Variants in CTNNA2 observed in about 807,000 individuals in gnomAD.
The protein encoded by CTNNA2 is catenin alpha 2, also known as catenin alpha-2.
In CTNNA2, 42 loss-of-function variants were observed where a neutral mutation model predicts 101.0. The observed-to-expected ratio is 0.42, with a 90% CI of 0.32 to 0.54. CTNNA2 has a LOEUF of 0.54. Ranked by LOEUF, CTNNA2 falls within the 20% of genes least tolerant of loss-of-function variation. The pLI, the probability that CTNNA2 is intolerant of heterozygous loss-of-function variation, is 0.14. For synonymous variants in CTNNA2, 450 were observed against 456.4 expected (o/e 0.99, Z 0.18); for missense variants, 871 against 1,223.1 (o/e 0.71, Z 4.29).
chr2:79,555,764 A>G (rs1193013245), intron 1 of CTNNA2, among the ~76,000 whole-genome samples: 3 of 152,088 alleles, frequency 2.0e-5, no homozygotes, highest in East Asian at 1.9e-4. Flanking sequence ...CATATTGCAA[A>G]CACATCTCAG....
chr2:80,487,541 A>G lies in CTNNA2; in HGVS notation c.1291-57441A>G, dbSNP rs1264996611. ...AAGGGGAAAAGCCCCTTATAAAACC[A>G]TCAGTCCTCATGAGAACTCATTTAC... On this transcript the variant is annotated intron_variant, in intron 9 of 18. Coordinates refer to ENST00000402739, the MANE Select transcript of CTNNA2 (RefSeq NM_001282597.3). Among the ~76,000 whole-genome samples the G allele has an allele frequency of 2.6e-5, 4 of 152,224 alleles. No individual in the cohort carries two copies. The East Asian group carries it at 7.7e-4, about 29-fold the overall frequency.
chr2:79,381,247 T>C (rs1484695101), intron 4 of CTNNA2, among the ~76,000 whole-genome samples: 1 of 152,112 alleles, frequency 6.6e-6, no homozygotes, highest in Non-Finnish European at 1.5e-5. Flanking sequence ...TAATTTACAG[T>C]TGAAGAAACT....
chr2:80,010,270 C>A (rs576548310), intron 7 of CTNNA2, among the ~76,000 whole-genome samples: 1 of 152,262 alleles, frequency 6.6e-6, no homozygotes, highest in East Asian at 1.9e-4. Flanking sequence ...TCAAGATTAC[C>A]TTTCAGCAGT....
chr2:80,314,120 C>T (rs1297854296), intron 7 of CTNNA2, among the ~76,000 whole-genome samples: 2 of 152,058 alleles, frequency 1.3e-5, no homozygotes, highest in Non-Finnish European at 1.5e-5. Context: ...TGCTTGGTGG[C>T]TATAGTGGTG....
chr2:79,917,498 C>A (rs914914106), intron 7 of CTNNA2, among the ~76,000 whole-genome samples: 1 of 152,190 alleles, frequency 6.6e-6, no homozygotes, highest in Non-Finnish European at 1.5e-5. Flanking sequence ...ATAGTTGGCA[C>A]GGAAGTCTTT....
intron 7 of CTNNA2, among the ~76,000 whole-genome samples, chr2:80,190,368 C>T (rs1249966239): frequency 1.3e-5 from 2 of 152,072 alleles, no homozygotes; most frequent in East Asian, 1.9e-4. Flanking sequence ...GGCAGGAAAA[C>T]TTCAACCACC....
chr2:79,455,598 C>T (rs1670813251), intron 4 of CTNNA2, among the ~76,000 whole-genome samples: 1 of 152,182 alleles, frequency 6.6e-6, no homozygotes, highest in African/African-American at 2.4e-5. Flanking sequence ...CGTACCTTTG[C>T]AAACATATTT....
intron 2 of CTNNA2, among the ~76,000 whole-genome samples, chr2:79,674,560 T>G (rs890168633): frequency 2.6e-5 from 4 of 152,162 alleles, no homozygotes; most frequent in Non-Finnish European, 4.4e-5. Flanking sequence ...TATTAGATAA[T>G]AGGGAACTTA....
intron 3 of CTNNA2, among the ~76,000 whole-genome samples, chr2:79,818,479 A>T (rs1677711233): frequency 6.8e-6 from 1 of 148,114 alleles, no homozygotes; most frequent in Non-Finnish European, 1.5e-5. Context: ...TGCCCGGCTT[A>T]TTTTTTTTTG....
intron 4 of CTNNA2, among the ~76,000 whole-genome samples, chr2:79,392,481 T>G (rs1307704175): frequency 6.6e-6 from 1 of 152,232 alleles, no homozygotes; most frequent in African/African-American, 2.4e-5. Context: ...AGTTTACCTG[T>G]GTGATCTATC....
chr2:79,991,215 C>CA (rs796576301), intron 7 of CTNNA2, among the ~76,000 whole-genome samples: 4 of 151,960 alleles, frequency 2.6e-5, no homozygotes, highest in Non-Finnish European at 4.4e-5. Context: ...CTGATCTTCT[C>CA]AAAAAACCAG....
intron 1 of CTNNA2, among the ~76,000 whole-genome samples, chr2:79,637,302 A>G (rs756522284): frequency 5.3e-5 from 8 of 152,218 alleles, no homozygotes; most frequent in Non-Finnish European, 1.2e-4. Context: ...TGATGGAGTG[A>G]GGCCTCAGTC....
At chr2:80,019,727 A>G (rs1018390244) in intron 7 of CTNNA2, among the ~76,000 whole-genome samples, 43 of 152,218 alleles carry the variant, frequency 2.8e-4, no homozygotes, top group African/African-American at 1.0e-3. Flanking sequence ...AAATTCCTAA[A>G]GTAGCATCCT....
intron 1 of CTNNA2, among the ~76,000 whole-genome samples, chr2:79,634,185 C>G (rs1425505679): frequency 6.6e-6 from 1 of 152,154 alleles, no homozygotes; most frequent in Non-Finnish European, 1.5e-5. Context: ...GTGCTGTGTT[C>G]CCTGAATTAC....
At chr2:80,003,460 T>C (rs914758787) in intron 7 of CTNNA2, among the ~76,000 whole-genome samples, 2 of 152,144 alleles carry the variant, frequency 1.3e-5, no homozygotes, top group Non-Finnish European at 2.9e-5. Flanking sequence ...CAGCTTCCCC[T>C]GGCCCATAGG....
At chr2:79,735,786 G>T (rs940687068) in intron 2 of CTNNA2, among the ~76,000 whole-genome samples, 1 of 152,118 alleles carries the variant, frequency 6.6e-6, no homozygotes, top group African/African-American at 2.4e-5. Flanking sequence ...GGTCTTCCAG[G>T]TCTCAGTATC....
chr2:80,339,923 A>G (rs1210279586), intron 7 of CTNNA2, among the ~76,000 whole-genome samples: 1 of 152,194 alleles, frequency 6.6e-6, no homozygotes, highest in African/African-American at 2.4e-5. Context: ...TTCATTTCCC[A>G]GACATTTTAA....
At chr2:80,395,042 T>C (rs1677879727) in intron 8 of CTNNA2, among the ~76,000 whole-genome samples, 1 of 152,202 alleles carries the variant, frequency 6.6e-6, no homozygotes, top group African/African-American at 2.4e-5. Flanking sequence ...GGCAGGATTA[T>C]TATTATTATT....
chr2:80,412,087 C>T (rs1029002764), intron 8 of CTNNA2, among the ~76,000 whole-genome samples: 4 of 152,126 alleles, frequency 2.6e-5, no homozygotes, highest in African/African-American at 9.7e-5. Flanking sequence ...TGTCAAGGTG[C>T]TGTACCTGCT....
Sources: gnomAD v4.1 joint callset for allele counts (sites outside exome capture counted in the v4.1 genomes callset) on GRCh38, gnomAD v4.1.1 for gene constraint, MANE v1.5 for transcripts, NCBI Gene and HGNC (gene_info 2026-07-23, HGNC 2026-07-21) for gene names.